The following CIZ1 variants were observed in gnomAD, a reference collection of about 807,000 sequenced individuals.
CIZ1 encodes the protein cip1-interacting zinc finger protein.
Under a neutral mutation model 118.6 loss-of-function variants are expected in CIZ1, and 58 were observed. That is an observed-to-expected ratio of 0.49 (90% CI 0.40 to 0.61). The LOEUF is 0.61. Among genes scored for constraint, CIZ1 ranks in the 20% least tolerant of loss-of-function variants. The pLI, the probability that CIZ1 is intolerant of heterozygous loss-of-function variation, is 0.00. For synonymous variants in CIZ1, 448 were observed against 443.4 expected (o/e 1.01, Z -0.13); for missense variants, 921 against 1,115.9 (o/e 0.83, Z 2.49).
rs1036048662 is a variant in CIZ1 at position 128,203,397 on chromosome 9, C to CA, written c.-6+788dup. 7.6e-7 allele frequency: 1 copy of CA among 1,313,568 alleles called. No homozygotes were observed. Among genetic ancestry groups the CA allele is most frequent in the African/African-American group, 1.6e-5 (1 of 64,024 alleles). 81.4% of individuals were successfully genotyped at this position (1,313,568 alleles called of 1,614,324 possible). On this transcript the variant is annotated intron_variant, in intron 1 of 17. Coordinates refer to the CIZ1 transcript ENST00000372948. This position sits in a 1 kb window ranked among gnomAD's most constrained non-coding sequence, Gnocchi z 5.3. ...CGCAGGCAGTCTGGGCGCGCGGCTG[C>CA]AGCGGCGGAGCCGGAGTCGGAGCCG...
intron 12 of CIZ1, 139 bp downstream of exon 12, chr9:128,169,881 T>TG: frequency 1.0e-6 from 1 of 987,672 alleles, no homozygotes; most frequent in Non-Finnish European, 1.5e-6. Context: ...CAAGACTGAC[T>TG]CCTCCAGAAA....
Position 128,166,598 on chromosome 9 carries a change from C to T in CIZ1, c.2487+161G>A, listed in dbSNP as rs1829456918. 5 of 1,063,744 alleles carry T rather than the reference C, an allele frequency of 4.7e-6. No homozygotes were observed. Among genetic ancestry groups the T allele is most frequent in the Non-Finnish European group, 6.8e-6 (5 of 730,298 alleles). 65.9% of individuals were successfully genotyped at this position (1,063,744 alleles called of 1,614,324 possible). On this transcript the variant is annotated intron_variant, in intron 16 of 16. Coordinates refer to ENST00000372938, the MANE Select transcript of CIZ1 (RefSeq NM_001131016.2). The surrounding 1 kb of genome is among the most constrained non-coding windows in gnomAD (Gnocchi z 4.4). The stretch of plus-strand genomic sequence containing the variant: ...TCAGCATCCCCTTGAACAATAAGAG[C>T]CCAACCCCACCCCAGCTCTAATTCT...
At chr9:128,174,843 A>C (rs1158762801) in intron 11 of CIZ1, among the ~76,000 whole-genome samples, 1 of 152,174 alleles carries the variant, frequency 6.6e-6, no homozygotes, top group Non-Finnish European at 1.5e-5. Context: ...TTTTTAGTAC[A>C]GAGGGGGTTT....
rs762786694 is a variant in CIZ1 at position 128,169,687 on chromosome 9, C to T, written c.2032-168G>A. On this transcript the variant is annotated intron_variant, in intron 12 of 16. Transcript: ENST00000372938. ...TGGAACGTGGGCAAACACATCTCTT[C>T]GTGGTGTGGGTGGCTGAGAGATAGG... is the stretch of plus-strand genomic sequence containing the variant. 9 of 1,537,032 alleles carry T rather than the reference C, an allele frequency of 5.9e-6. No homozygotes were observed. In the South Asian group the frequency reaches 8.3e-5, roughly 14 times the overall value.
intron 3 of CIZ1, 35 bp from the exon 4 acceptor site, chr9:128,187,969 G>A (rs1449868297): frequency 1.6e-6 from 1 of 606,782 alleles, no homozygotes; most frequent in Non-Finnish European, 3.1e-6. Context: ...CTTATCAAGA[G>A]CCATAAAACA....
intron 7 of CIZ1, 23 bp from the exon 8 acceptor site, chr9:128,179,438 C>T (rs1336580939): frequency 6.5e-7 from 1 of 1,544,030 alleles, no homozygotes; most frequent in Non-Finnish European, 8.7e-7. Flanking sequence ...AAAAAAAAAT[C>T]CCAGTCATGT....
intron 5 of CIZ1, among the ~76,000 whole-genome samples, chr9:128,182,805 A>G (rs1831846655): frequency 6.6e-6 from 1 of 150,450 alleles, no homozygotes; most frequent in African/African-American, 2.5e-5. Flanking sequence ...TTTTTCTTCC[A>G]TAGAGCCAGG....
intron 4 of CIZ1, among the ~76,000 whole-genome samples, chr9:128,187,262 C>T (rs1236279414): frequency 2.0e-5 from 3 of 152,190 alleles, no homozygotes; most frequent in Non-Finnish European, 4.4e-5. Context: ...TTCTGCTTCA[C>T]ATCATCTAAC....
chr9:128,191,889 G>A, upstream of CIZ1: 1 of 1,450,202 alleles, frequency 6.9e-7, no homozygotes, highest in African/African-American at 1.5e-5. The surrounding 1 kb of genome is among the most constrained non-coding windows in gnomAD (Gnocchi z 5.5). Context: ...CGATCCTGGG[G>A]CCCCGCGCGG....
At chr9:128,201,922 A>C (rs1028348463) in intron 1 of CIZ1, among the ~76,000 whole-genome samples, 1 of 152,114 alleles carries the variant, frequency 6.6e-6, no homozygotes, top group African/African-American at 2.4e-5. Context: ...ATTCCTCCCC[A>C]CAAGGGTCAC....
chr9:128,186,280 C>T lies in CIZ1; in HGVS notation c.359-504G>A, dbSNP rs764502224. Among the ~76,000 whole-genome samples, 9 of 152,200 alleles carry T rather than the reference C, an allele frequency of 5.9e-5. No individual in the cohort carries two copies. The South Asian group carries it at 6.2e-4, about 11-fold the overall frequency. On this transcript the variant is annotated intron_variant, in intron 4 of 16. Transcript: ENST00000372938. ...GGTGTTATCTCTACCGATGACAAAACGGAGACAGAGTGGAGGTGCAGCTTG... is the reference window on the plus strand; with the variant it reads ...GGTGTTATCTCTACCGATGACAAAATGGAGACAGAGTGGAGGTGCAGCTTG...
chr9:128,176,891 G>A (rs1210946689), intron 10 of CIZ1, among the ~76,000 whole-genome samples: 1 of 152,164 alleles, frequency 6.6e-6, no homozygotes, highest in Non-Finnish European at 1.5e-5. Flanking sequence ...ACCCAGTGAG[G>A]TGGATTCTAA....
chr9:128,173,777 C>G (rs562441439), intron 11 of CIZ1, among the ~76,000 whole-genome samples: 3 of 151,922 alleles, frequency 2.0e-5, no homozygotes, highest in Non-Finnish European at 4.4e-5. Context: ...GAGGCCAAGG[C>G]GGGCAGATCA....
chr9:128,177,079 G>A (rs1280267649), intron 10 of CIZ1, among the ~76,000 whole-genome samples: 1 of 152,026 alleles, frequency 6.6e-6, no homozygotes, highest in East Asian at 1.9e-4. Context: ...TAGTAGAGAC[G>A]GGGTTTCACC....
upstream of CIZ1, among the ~76,000 whole-genome samples, chr9:128,194,980 G>A (rs1833342164): frequency 6.6e-6 from 1 of 152,016 alleles, no homozygotes; most frequent in African/African-American, 2.4e-5. Flanking sequence ...ACCACGCCCA[G>A]CAAATTTTTG....
At chr9:128,167,270 C>T in intron 14 of CIZ1, 106 bp from the exon 15 acceptor site, 1 of 820,464 alleles carries the variant, frequency 1.2e-6, no homozygotes, top group South Asian at 1.8e-5. Flanking sequence ...CACAGAATCC[C>T]CTTGATTTCC....
At position 128,178,766 on chromosome 9, in the gene CIZ1, C is replaced by A. The variant is rs770308618; in HGVS notation, c.1441G>T (p.Val481Phe). Reference protein sequence around the residue: ...VSLLAPEQTPVVVHVCGLEMP... With the variant: ...VSLLAPEQTPFVVHVCGLEMP... ...TCCAGCCCGCAGACATGAACCACAA[C>A]TGGTGTTTGCTCTGGAGCCAGCAAC... Residue 481 changes from valine to phenylalanine, a missense_variant, in exon 8 of 17, where the codon GTT becomes TTT. By Grantham distance (50) the Val-to-Phe change is conservative (BLOSUM62 -1). Coordinates refer to ENST00000372938, the MANE Select transcript of CIZ1 (RefSeq NM_001131016.2). The A allele has an allele frequency of 1.5e-5, 24 of 1,614,150 alleles. No individual in the cohort carries two copies. In the Admixed American group the frequency reaches 1.7e-4, roughly 11 times the overall value.
rs1297056266 is a variant in CIZ1 at position 128,185,955 on chromosome 9, C to T, written c.359-179G>A. 5.3e-5 allele frequency among the ~76,000 whole-genome samples: 8 copies of T among 152,264 alleles called. No homozygotes were observed. In the East Asian group the frequency reaches 7.7e-4, roughly 15 times the overall value. ...CTGAGGCTCAGCCCCATCTTGGGCACTGATGGTGAAGGAAGCTTTAGGGCT... is the reference window on the plus strand; with the variant it reads ...CTGAGGCTCAGCCCCATCTTGGGCATTGATGGTGAAGGAAGCTTTAGGGCT... On this transcript the variant is annotated intron_variant, in intron 4 of 16. Coordinates refer to ENST00000372938, the MANE Select transcript of CIZ1 (RefSeq NM_001131016.2).
chr9:128,191,574 C>G, upstream of CIZ1: 1 of 1,124,930 alleles, frequency 8.9e-7, no homozygotes, highest in Non-Finnish European at 1.1e-6. The surrounding 1 kb of genome is among the most constrained non-coding windows in gnomAD (Gnocchi z 5.5). Flanking sequence ...GCTCGTAAGG[C>G]CCAAATGCGG....
Sources: gnomAD v4.1 joint callset for allele counts (sites outside exome capture counted in the v4.1 genomes callset) on GRCh38, gnomAD v4.1.1 for gene constraint, Gnocchi (gnomAD v3.1) non-coding constraint, MANE v1.5 for transcripts, NCBI Gene and HGNC (gene_info 2026-07-23, HGNC 2026-07-21) for gene names.